Variants in SEPTIN4 observed in about 807,000 individuals in gnomAD.
The protein encoded by SEPTIN4 is septin-4.
In SEPTIN4, 52 loss-of-function variants were observed where a neutral mutation model predicts 107.1. The ratio of observed to expected loss-of-function variants is 0.49; its 90% CI spans 0.39 to 0.61. The LOEUF (loss-of-function observed/expected upper bound fraction) is 0.61. SEPTIN4 is among the 20% of genes least tolerant of loss of function. The pLI is 0.00. For synonymous variants in SEPTIN4, 417 were observed against 467.0 expected, an observed-to-expected ratio of 0.89 and a Z score of 1.38; for missense variants, 1,048 against 1,243.5, an observed-to-expected ratio of 0.84 and a Z score of 2.36.
rs753159152 is a variant in SEPTIN4 at position 58,526,232 on chromosome 17, G to A, written c.1993C>T (p.Leu665Phe). 28 of 1,599,758 alleles carry A rather than the reference G, an allele frequency of 1.8e-5. No homozygotes were observed. Among genetic ancestry groups the A allele is most frequent in the South Asian group, 3.4e-5 (3 of 88,908 alleles). The change falls in exon 5 of 14, where the codon CTC (leucine) becomes TTC (phenylalanine). Residue 665 changes from leucine to phenylalanine, a missense_variant. Leu to Phe is a conservative substitution (Grantham distance 22). Transcript: ENST00000672673. ...KSVKKGFDFTLMVAGESGLGK... is the reference protein window; with the variant it reads ...KSVKKGFDFTFMVAGESGLGK... The stretch of plus-strand genomic sequence containing the variant: ...GCCCCTTTTTTACCTGCCACCATGA[G>A]GGTAAAGTCAAAGCCTTTCTTCACG...
At position 58,521,226 on chromosome 17, in the gene SEPTIN4, T is replaced by C; in HGVS notation, c.2668+28A>G. ...GGGAGAGCCACTGAGGGCAAGGAGA[T>C]ACCCTGGTCACAGGCTCAGTGCTTT... On this transcript the variant is annotated intron_variant, in intron 11 of 13. Coordinates refer to ENST00000672673, the MANE Select transcript of SEPTIN4 (RefSeq NM_001368771.2). This position sits in a 1 kb window ranked among gnomAD's most constrained non-coding sequence, Gnocchi z 6.4. The C allele has an allele frequency of 6.2e-7, 1 of 1,614,086 alleles. No homozygotes were observed. Among genetic ancestry groups the C allele is most frequent in the Non-Finnish European group, 8.5e-7 (1 of 1,179,910 alleles).
chr17:58,529,641 A>G (rs1015679280), intron 3 of SEPTIN4, among the ~76,000 whole-genome samples: 1 of 152,168 alleles, frequency 6.6e-6, no homozygotes, highest in East Asian at 1.9e-4. Context: ...CCATCAGCAC[A>G]TGAGGACAGC....
intron 3 of SEPTIN4, among the ~76,000 whole-genome samples, chr17:58,532,458 A>G (rs2043548712): frequency 6.6e-6 from 1 of 152,194 alleles, no homozygotes; most frequent in African/African-American, 2.4e-5. Context: ...GGGATTCAAC[A>G]AGGTTTTCAC....
At chr17:58,526,573 AACACACACACAC>A (rs3034932) in intron 4 of SEPTIN4, 97 bp downstream of exon 4, 60 of 1,303,802 alleles carry the variant, frequency 4.6e-5, no homozygotes, top group Middle Eastern at 2.6e-4. Context: ...CACACACACA[AACACACACACAC>A]ACACACACAC....
chr17:58,525,716 G>C lies in SEPTIN4; in HGVS notation c.2071C>G (p.Arg691Gly), dbSNP rs775259373. 2.5e-6 allele frequency: 4 copies of C among 1,613,992 alleles called. No individual in the cohort carries two copies. In the African/African-American group the frequency reaches 4.0e-5, roughly 16 times the overall value. Residue 691 changes from arginine to glycine, a missense_variant, in exon 6 of 14, where the codon CGG becomes GGG. This residue lies in a region of SEPTIN4 where 787 missense variants were observed against 871.8 expected (regional missense o/e 0.90). Transcript: ENST00000672673. Reference protein sequence around the residue: ...SLFLTDLYRDRKLLGAEERIM... With the variant: ...SLFLTDLYRDGKLLGAEERIM... ...TTACCTTCAGCACCAAGAAGTTTCC[G>C]GTCCCGGTACAGATCAGTGAGGAAG...
intron 3 of SEPTIN4, chr17:58,532,033 G>A: frequency 1.8e-6 from 2 of 1,127,492 alleles, no homozygotes; most frequent in Non-Finnish European, 1.1e-6. Flanking sequence ...GCTGCGCGCC[G>A]ACCTCGCAGC....
At chr17:58,537,823 C>G (rs1351013706) in intron 3 of SEPTIN4, among the ~76,000 whole-genome samples, 1 of 121,296 alleles carries the variant, frequency 8.2e-6, no homozygotes, top group Admixed American at 9.1e-5. Flanking sequence ...GAGCGAGACT[C>G]TGTCTCAAAA....
chr17:58,540,779 G>C, intron 2 of SEPTIN4, 106 bp from the exon 3 acceptor site: 1 of 1,217,516 alleles, frequency 8.2e-7, no homozygotes, highest in Non-Finnish European at 1.0e-6. Flanking sequence ...ATGCCCAGTG[G>C]ACTTGGGCAA....
At chr17:58,529,555 A>G (rs2043281248) in intron 3 of SEPTIN4, 2 of 482,486 alleles carry the variant, frequency 4.1e-6, no homozygotes, top group Non-Finnish European at 5.4e-6. Context: ...CTTTTGATCC[A>G]TTTGACCTCT....
Position 58,543,084 on chromosome 17 carries a change from G to A in SEPTIN4, c.1103C>T (p.Pro368Leu), listed in dbSNP as rs1207823168. ...GGTTTGCTGTTTATAGATGGGCTCT[G>A]GAGTAACAAACATGGATGACTTGTG... The part of the protein sequence containing the change: ...GSHKSSMFVT[P>L]EPIYKQQTQK... The change falls in exon 1 of 14, where the codon CCA (proline) becomes CTA (leucine). Residue 368 changes from proline (P) to leucine (L), a missense_variant. By Grantham distance (98) the Pro-to-Leu change is moderately conservative. Around this residue, in one of 2 missense-constraint regions of SEPTIN4, gnomAD observed 787 missense variants for 871.8 expected, o/e 0.90. Transcript: ENST00000672673. The A allele has an allele frequency of 2.5e-6, 4 of 1,612,688 alleles. No individual in the cohort carries two copies. The highest frequency in any genetic ancestry group is 2.2e-5 in the South Asian group (2 of 90,856).
rs764008812 is a variant in SEPTIN4, at chr17:58,533,362, A to G, written c.1615-6384T>C. ...CACCTGTCAGGGTCTCAATTTCCATACCTGAAAATGAGGGGATTAAACTAG... is the reference window on the plus strand; with the variant it reads ...CACCTGTCAGGGTCTCAATTTCCATGCCTGAAAATGAGGGGATTAAACTAG... On this transcript the variant is annotated intron_variant, in intron 3 of 13. Coordinates refer to ENST00000672673, the MANE Select transcript of SEPTIN4 (RefSeq NM_001368771.2). 3.6e-4 allele frequency among the ~76,000 whole-genome samples: 55 copies of G among 152,142 alleles called. 1 individual carries two copies. Among genetic ancestry groups the G allele is most frequent in the South Asian group, 2.1e-4 (1 of 4,832 alleles).
chr17:58,543,281 A>G lies in SEPTIN4; in HGVS notation c.906T>C (p.Tyr302=). ...CCTTTGCGGAGGGCTTGGTTTCAGG[A>G]TAGGCAGAATACTTATGAAGAGACT... ...DPESLHKYSA[Y]PETKPSAKVL... is the part of the protein sequence containing the mutation. Residue 302 remains tyrosine (Y), a synonymous_variant, in exon 1 of 14, where the codon TAT becomes TAC. Coordinates refer to ENST00000672673, the MANE Select transcript of SEPTIN4 (RefSeq NM_001368771.2). The G allele has an allele frequency of 6.2e-7, 1 of 1,614,210 alleles. No homozygotes were observed. The highest frequency in any genetic ancestry group is 8.5e-7 in the Non-Finnish European group (1 of 1,180,040).
chr17:58,521,635 C>T lies in SEPTIN4; in HGVS notation c.2481G>A (p.Glu827=). ...AGATCTTGATTCCAAAATGCTCAAT[C>T]TCCTCCCGGATCTGACAAACAGATG... The part of the protein sequence containing the change: ...VDHKKRKIRE[E]IEHFGIKIYQ... The change falls in exon 10 of 14, where the codon GAG becomes GAA. Residue 827 remains glutamate, a synonymous_variant. Coordinates refer to ENST00000672673, the MANE Select transcript of SEPTIN4 (RefSeq NM_001368771.2). This position sits in a 1 kb window ranked among gnomAD's most constrained non-coding sequence, Gnocchi z 6.4. 6.2e-7 allele frequency: 1 copy of T among 1,614,238 alleles called. No homozygotes were observed. Among genetic ancestry groups the T allele is most frequent in the East Asian group, 2.2e-5 (1 of 44,884 alleles).
In SEPTIN4 at chr17:58,520,741, ACCT is replaced by A; in HGVS notation, c.2930_2931+1del. ...CTCCCCTATACCCCATACTGCTCTC[ACCT>A]CCTCATCTTTCTCTCGGATAAGCTT... On this transcript the variant is annotated splice_donor_variant and coding_sequence_variant, in exon 13 of 14. Coordinates refer to ENST00000672673, the MANE Select transcript of SEPTIN4 (RefSeq NM_001368771.2). LOFTEE classifies it high-confidence loss of function. The A allele has an allele frequency of 6.2e-7, 1 of 1,613,826 alleles. No individual in the cohort carries two copies. The highest frequency in any genetic ancestry group is 8.5e-7 in the Non-Finnish European group (1 of 1,179,978).
rs2043919637 is a variant in SEPTIN4 at position 58,542,917 on chromosome 17, C to T, written c.1270G>A (p.Asp424Asn). The T allele has an allele frequency of 6.2e-7, 1 of 1,614,086 alleles. No homozygotes were observed. Among genetic ancestry groups the T allele is most frequent in the Non-Finnish European group, 8.5e-7 (1 of 1,180,056 alleles). ...TTCAGCAAGGGCCACCATGAGGAGT[C>T]AGGTCCGTACCTAGGTAAGGACCGA... ...PPRSLPRYGP[D>N]SSWWPLLNPE... The change falls in exon 1 of 14, where the codon GAC (aspartate) becomes AAC (asparagine). Residue 424 changes from aspartate to asparagine, a missense_variant. Physicochemically the swap from Asp to Asn is conservative, Grantham distance 23. Coordinates refer to ENST00000672673, the MANE Select transcript of SEPTIN4 (RefSeq NM_001368771.2).
chr17:58,531,841 C>T (rs2043492448), intron 3 of SEPTIN4: 5 of 960,348 alleles, frequency 5.2e-6, no homozygotes, highest in Non-Finnish European at 5.1e-6. Context: ...GGCGACGGCG[C>T]CTCCCACCCT....
intron 1 of SEPTIN4, among the ~76,000 whole-genome samples, 194 bp downstream of exon 1, chr17:58,542,432 A>C (rs1329140946): frequency 6.6e-6 from 1 of 152,038 alleles, no homozygotes; most frequent in African/African-American, 2.4e-5. Context: ...ATCCATCATC[A>C]ATGTCATTAG....
rs1428588852 is a variant in SEPTIN4 at position 58,526,264 on chromosome 17, C to T, written c.1961G>A (p.Arg654Gln). 7 of 1,605,308 alleles carry T rather than the reference C, an allele frequency of 4.4e-6. No individual in the cohort carries two copies. Among genetic ancestry groups the T allele is most frequent in the East Asian group, 4.5e-5 (2 of 44,352 alleles). Residue 654 changes from arginine to glutamine, a missense_variant, in exon 5 of 14, where the codon CGA (arginine) becomes CAA (glutamine). Arg to Gln is a conservative substitution (Grantham distance 43). Transcript: ENST00000672673. ...GTCAAAGCCTTTCTTCACGGACTTTCGGTGGACTTGGTTGGGGAGGGTTGC... is the reference window on the plus strand; with the variant it reads ...GTCAAAGCCTTTCTTCACGGACTTTTGGTGGACTTGGTTGGGGAGGGTTGC... ...GFATLPNQVH[R>Q]KSVKKGFDFT...
chr17:58,526,540 G>A (rs988593455), intron 4 of SEPTIN4, 142 bp downstream of exon 4: 1 of 1,402,682 alleles, frequency 7.1e-7, no homozygotes, highest in African/African-American at 1.5e-5. Context: ...GCTGACACAG[G>A]ACTGAAATAG....
Sources: gnomAD v4.1 joint callset for allele counts (sites outside exome capture counted in the v4.1 genomes callset) on GRCh38, gnomAD v4.1.1 for gene constraint, gnomAD v4.1.1 regional missense constraint, Gnocchi (gnomAD v3.1) non-coding constraint, MANE v1.5 for transcripts, NCBI Gene and HGNC (gene_info 2026-07-23, HGNC 2026-07-21) for gene names.